The following TAFA1 variants were observed in gnomAD, a reference collection of about 807,000 sequenced individuals.
The protein encoded by TAFA1 is TAFA chemokine like family member 1.
TAFA1 carries 4 observed loss-of-function variants against 18.5 expected under a neutral mutation model. That is an observed-to-expected ratio of 0.22 (90% CI 0.11 to 0.49). TAFA1 has a LOEUF of 0.49. Among genes scored for constraint, TAFA1 ranks in the 20% least tolerant of loss-of-function variants. The pLI, the probability that TAFA1 is intolerant of heterozygous loss-of-function variation, is 0.98. For synonymous variants in TAFA1, 56 were observed against 55.2 expected (o/e 1.01, Z -0.06); for missense variants, 147 against 169.0 (o/e 0.87, Z 0.72).
chr3:68,224,353 C>A (rs1016349803), intron 2 of TAFA1, among the ~76,000 whole-genome samples: 1 of 152,142 alleles, frequency 6.6e-6, no homozygotes, highest in Non-Finnish European at 1.5e-5. Flanking sequence ...TTACACTGAT[C>A]TGTCCACTCT....
intron 2 of TAFA1, among the ~76,000 whole-genome samples, chr3:68,185,726 A>G (rs2066261617): frequency 6.6e-6 from 1 of 151,898 alleles, no homozygotes; most frequent in African/African-American, 2.4e-5. Flanking sequence ...CCTGGGCAAC[A>G]TAAAGAAACT....
intron 3 of TAFA1, among the ~76,000 whole-genome samples, chr3:68,476,102 G>A (rs1489961835): frequency 6.6e-6 from 1 of 152,106 alleles, no homozygotes; most frequent in Non-Finnish European, 1.5e-5. Context: ...TCAGGACATA[G>A]ACATGGGCAA....
chr3:68,409,213 T>C (rs2070667676), intron 2 of TAFA1, among the ~76,000 whole-genome samples: 1 of 152,156 alleles, frequency 6.6e-6, no homozygotes, highest in Non-Finnish European at 1.5e-5. Flanking sequence ...ACTCCCCCCT[T>C]AGCATATTTT....
At chr3:68,154,326 T>A (rs1177864423) in intron 2 of TAFA1, among the ~76,000 whole-genome samples, 1 of 152,136 alleles carries the variant, frequency 6.6e-6, no homozygotes, top group Non-Finnish European at 1.5e-5. Flanking sequence ...ACCTACAAGA[T>A]CCACCTGCAA....
At chr3:68,329,407 C>T (rs1426500647) in intron 2 of TAFA1, among the ~76,000 whole-genome samples, 1 of 151,718 alleles carries the variant, frequency 6.6e-6, no homozygotes, top group Non-Finnish European at 1.5e-5. Context: ...ATTTTGGTGC[C>T]TATGTTTCCA....
chr3:68,022,841 ATT>A lies in TAFA1; in HGVS notation c.118+16098_118+16099del, dbSNP rs1491550489. ...TATATATTATATATAATATATATAT[ATT>A]ATATATATATATATATAAAATTAAG... On this transcript the variant is annotated intron_variant, in intron 2 of 4. Coordinates refer to ENST00000478136, the MANE Select transcript of TAFA1 (RefSeq NM_213609.4). Among the ~76,000 whole-genome samples, 45 of 16,170 alleles carry A rather than the reference ATT, an allele frequency of 2.8e-3. No individual in the cohort carries two copies. In the South Asian group the frequency reaches 0.048, roughly 17 times the overall value. 10.6% of individuals were successfully genotyped at this position (16,170 alleles called of 152,430 possible).
Position 68,066,196 on chromosome 3 carries a change from T to C in TAFA1, c.118+59452T>C, listed in dbSNP as rs1262496271. Among the ~76,000 whole-genome samples the C allele has an allele frequency of 2.6e-5, 4 of 152,326 alleles. No homozygotes were observed. The Middle Eastern group carries it at 0.01, about 389-fold the overall frequency. On this transcript the variant is annotated intron_variant, in intron 2 of 4. Coordinates refer to ENST00000478136, the MANE Select transcript of TAFA1 (RefSeq NM_213609.4). ...CATGAAATATTTACATTTTATTATA[T>C]ATCAATAAAGCCGTATGTGTCATAT...
At chr3:68,407,083 C>T (rs1383860539) in intron 2 of TAFA1, among the ~76,000 whole-genome samples, 2 of 152,036 alleles carry the variant, frequency 1.3e-5, no homozygotes, top group East Asian at 3.9e-4. Context: ...AATGCAGTTT[C>T]TCCGTGATTA....
At chr3:68,346,834 A>G (rs2069171842) in intron 2 of TAFA1, among the ~76,000 whole-genome samples, 1 of 152,196 alleles carries the variant, frequency 6.6e-6, no homozygotes, top group African/African-American at 2.4e-5. Context: ...ACAAGACACA[A>G]GAAACAAAAT....
At chr3:68,303,692 G>C (rs559900193) in intron 2 of TAFA1, among the ~76,000 whole-genome samples, 1 of 151,958 alleles carries the variant, frequency 6.6e-6, no homozygotes, top group Non-Finnish European at 1.5e-5. Flanking sequence ...CTCGTGATCC[G>C]CCCGCCTTTG....
intron 3 of TAFA1, among the ~76,000 whole-genome samples, chr3:68,468,681 C>A (rs912497077): frequency 1.4e-4 from 21 of 152,138 alleles, no homozygotes; most frequent in African/African-American, 5.1e-4. Context: ...CCATGGATTT[C>A]AATTACAGTA....
At chr3:68,075,307 C>T (rs888976379) in intron 2 of TAFA1, among the ~76,000 whole-genome samples, 2 of 152,154 alleles carry the variant, frequency 1.3e-5, no homozygotes, top group East Asian at 3.9e-4. Flanking sequence ...GGCTAATAGA[C>T]TATTTGTGAC....
At chr3:68,435,178 G>A (rs999547051) in intron 3 of TAFA1, among the ~76,000 whole-genome samples, 5 of 152,084 alleles carry the variant, frequency 3.3e-5, no homozygotes, top group African/African-American at 4.8e-5. Context: ...TAAGTGACTA[G>A]GTAAGAGGAT....
At chr3:68,210,358 G>A (rs893777398) in intron 2 of TAFA1, among the ~76,000 whole-genome samples, 1 of 151,948 alleles carries the variant, frequency 6.6e-6, no homozygotes, top group Non-Finnish European at 1.5e-5. Context: ...TCTCACCATG[G>A]TTATCAGTGT....
intron 2 of TAFA1, among the ~76,000 whole-genome samples, chr3:68,222,465 A>G (rs1216263996): frequency 6.6e-6 from 1 of 152,114 alleles, no homozygotes; most frequent in Non-Finnish European, 1.5e-5. Flanking sequence ...TCTTGCCTTC[A>G]GGGTTACTAG....
intron 3 of TAFA1, among the ~76,000 whole-genome samples, chr3:68,532,374 T>C (rs368068206): frequency 3.3e-5 from 5 of 152,298 alleles, no homozygotes; most frequent in African/African-American, 9.6e-5. Context: ...AATGGTAGCC[T>C]GTGGTAAAAG....
chr3:68,024,494 G>A lies in TAFA1; in HGVS notation c.118+17750G>A, dbSNP rs77615585. Among the ~76,000 whole-genome samples the A allele has an allele frequency of 8.7e-3, 1,327 of 152,072 alleles. 14 individuals carry two copies. Among genetic ancestry groups the A allele is most frequent in the African/African-American group, 0.026 (1,057 of 41,432 alleles). ...TTAGGGAAAGTTAGGCTTCCTAAGC[G>A]CTGTTATTTAATAAACAGTCTTTCT... On this transcript the variant is annotated intron_variant, in intron 2 of 4. Transcript: ENST00000478136.
At chr3:68,458,252 T>G (rs542427594) in intron 3 of TAFA1, among the ~76,000 whole-genome samples, 56 of 152,238 alleles carry the variant, frequency 3.7e-4, no homozygotes, top group African/African-American at 1.3e-3. Context: ...CCACTTTACC[T>G]TCCACCATGA....
At chr3:68,373,940 CT>C (rs1313919704) in intron 2 of TAFA1, among the ~76,000 whole-genome samples, 1 of 152,146 alleles carries the variant, frequency 6.6e-6, no homozygotes, top group Non-Finnish European at 1.5e-5. Context: ...GGTTCAGACT[CT>C]TGTTTGACAG....
Sources: allele counts gnomAD v4.1 joint callset (sites outside exome capture counted in the v4.1 genomes callset), GRCh38; gene constraint gnomAD v4.1.1; transcripts MANE v1.5; gene names NCBI Gene and HGNC (gene_info 2026-07-23, HGNC 2026-07-21).